The following SLC6A17 variants were observed in gnomAD, a reference collection of about 807,000 sequenced individuals.
SLC6A17 encodes sodium-dependent neutral amino acid transporter SLC6A17.
SLC6A17 carries 21 observed loss-of-function variants against 64.5 expected under a neutral mutation model. The ratio of observed to expected loss-of-function variants is 0.33; its 90% CI spans 0.23 to 0.47. The LOEUF (loss-of-function observed/expected upper bound fraction) is 0.47. Ranked by LOEUF, SLC6A17 falls within the 20% of genes least tolerant of loss-of-function variation. The pLI, the probability that SLC6A17 is intolerant of heterozygous loss-of-function variation, is 1.00. For missense variants in SLC6A17, 682 were observed against 963.2 expected (o/e 0.71, Z 3.86); for synonymous variants, 372 against 399.5 (o/e 0.93, Z 0.82).
intron 6 of SLC6A17, among the ~76,000 whole-genome samples, chr1:110,187,736 C>G (rs1656722972): frequency 6.6e-6 from 1 of 152,212 alleles, no homozygotes; most frequent in Admixed American, 6.5e-5. Flanking sequence ...TTTGCGAATA[C>G]CAGAGGAGGC....
intron 1 of SLC6A17, among the ~76,000 whole-genome samples, 180 bp downstream of exon 1, chr1:110,151,063 G>A (rs1655586139): frequency 6.6e-6 from 1 of 152,218 alleles, no homozygotes; most frequent in Non-Finnish European, 1.5e-5. Context: ...GCCGTTGCCT[G>A]GCGACGGAGC....
At position 110,180,158 on chromosome 1, in the gene SLC6A17, G is replaced by A. The variant is rs889360796; in HGVS notation, c.864+3419G>A. On this transcript the variant is annotated intron_variant, in intron 6 of 11. Coordinates refer to ENST00000331565, the MANE Select transcript of SLC6A17 (RefSeq NM_001010898.4). ...AGCTACACAGCTGGCAAGAAGCAGA[G>A]GCAAACCTGAACTCATGTCCACAGA... 2.0e-5 allele frequency among the ~76,000 whole-genome samples: 3 copies of A among 152,216 alleles called. No homozygotes were observed. The East Asian group carries it at 5.8e-4, about 29-fold the overall frequency.
intron 6 of SLC6A17, among the ~76,000 whole-genome samples, chr1:110,181,706 A>G (rs1241634842): frequency 3.3e-5 from 5 of 152,254 alleles, no homozygotes; most frequent in Non-Finnish European, 5.9e-5. Flanking sequence ...GAAGTGACGT[A>G]TGAATGAAGA....
In SLC6A17 at chr1:110,192,290, G is replaced by C; in HGVS notation, c.1106+77G>C. The stretch of plus-strand genomic sequence containing the variant: ...GGAGTGGGCAGGGGTGGGGGCGCAG[G>C]TGTGCATGGGGAGAGAGGTCCCCTC... On this transcript the variant is annotated intron_variant, in intron 7 of 11. Coordinates refer to ENST00000331565, the MANE Select transcript of SLC6A17 (RefSeq NM_001010898.4). This position sits in a 1 kb window ranked among gnomAD's most constrained non-coding sequence, Gnocchi z 4.3. 1.3e-6 allele frequency: 2 copies of C among 1,554,910 alleles called. No individual in the cohort carries two copies. Among genetic ancestry groups the C allele is most frequent in the Non-Finnish European group, 1.7e-6 (2 of 1,146,772 alleles).
At chr1:110,153,893 A>T (rs182949877) in intron 1 of SLC6A17, among the ~76,000 whole-genome samples, 3,179 of 152,068 alleles carry the variant, frequency 0.021, 117 homozygotes, top group South Asian at 0.13. Context: ...ATGGGGGAAA[A>T]AAAACCTGTC....
intron 6 of SLC6A17, among the ~76,000 whole-genome samples, chr1:110,179,487 G>C (rs1656458687): frequency 6.6e-6 from 1 of 151,076 alleles, no homozygotes; most frequent in Non-Finnish European, 1.5e-5. Context: ...TTGAGCAGTA[G>C]GGGGTGCTTC....
At chr1:110,165,271 GC>G (rs770912790) in intron 1 of SLC6A17, among the ~76,000 whole-genome samples, 3 of 152,164 alleles carry the variant, frequency 2.0e-5, no homozygotes, top group Non-Finnish European at 2.9e-5. Flanking sequence ...CTGGGGGGAG[GC>G]CCAGGGCTGA....
chr1:110,183,093 C>G lies in SLC6A17; in HGVS notation c.864+6354C>G, dbSNP rs147921033. Among the ~76,000 whole-genome samples the G allele has an allele frequency of 9.9e-5, 15 of 152,284 alleles. No homozygotes were observed. The East Asian group carries it at 2.5e-3, about 25-fold the overall frequency. Reference sequence around the variant, plus strand: ...TCCTCAAAAGGTTAAACAGAGTTAGCATATGACCCAGCCATTCCACTCCTA... The same window carrying G: ...TCCTCAAAAGGTTAAACAGAGTTAGGATATGACCCAGCCATTCCACTCCTA... On this transcript the variant is annotated intron_variant, in intron 6 of 11. Coordinates refer to ENST00000331565, the MANE Select transcript of SLC6A17 (RefSeq NM_001010898.4).
intron 11 of SLC6A17, 49 bp from the exon 12 acceptor site, chr1:110,198,027 G>A (rs759193784): frequency 2.6e-6 from 4 of 1,561,042 alleles, no homozygotes; most frequent in South Asian, 2.4e-5. Flanking sequence ...CCTGGGCGGG[G>A]AGGGCTGTCA....
chr1:110,175,422 G>A (rs1656349799), intron 5 of SLC6A17, among the ~76,000 whole-genome samples: 1 of 152,172 alleles, frequency 6.6e-6, no homozygotes, highest in East Asian at 1.9e-4. Context: ...GAGGCCTCAG[G>A]GGGCAGCTCC....
intron 1 of SLC6A17, among the ~76,000 whole-genome samples, chr1:110,156,310 T>C (rs1227707945): frequency 2.6e-5 from 4 of 152,186 alleles, no homozygotes; most frequent in African/African-American, 9.7e-5. Flanking sequence ...GAATGTATCA[T>C]TTTGCAAGGC....
chr1:110,196,571 TG>T (rs1656976136), intron 10 of SLC6A17, among the ~76,000 whole-genome samples: 1 of 152,232 alleles, frequency 6.6e-6, no homozygotes, highest in African/African-American at 2.4e-5. Flanking sequence ...TTTTGTGTCC[TG>T]GACTCCTTCG....
intron 1 of SLC6A17, among the ~76,000 whole-genome samples, chr1:110,162,395 G>A (rs1376040946): frequency 1.3e-5 from 2 of 152,196 alleles, no homozygotes; most frequent in Non-Finnish European, 2.9e-5. Context: ...AGCTGAAGGG[G>A]GTCTTGGAGG....
chr1:110,164,683 C>T (rs963824157), intron 1 of SLC6A17, among the ~76,000 whole-genome samples: 1 of 152,178 alleles, frequency 6.6e-6, no homozygotes, highest in Non-Finnish European at 1.5e-5. Flanking sequence ...AGCTGATGCC[C>T]TGTGGTTGCT....
At position 110,174,795 on chromosome 1, in the gene SLC6A17, T is replaced by G; in HGVS notation, c.588T>G (p.Cys196Trp). Residue 196 changes from cysteine to tryptophan, a missense_variant, in exon 5 of 12, where the codon TGT (cysteine) becomes TGG (tryptophan). Physicochemically the swap from Cys to Trp is radical, Grantham distance 215. Coordinates refer to ENST00000331565, the MANE Select transcript of SLC6A17 (RefSeq NM_001010898.4). ...NGSVAVVEAE[C>W]EKSSATTYFW... ...CTATTTCAGTGGTGGAGGCAGAGTGTGAAAAGAGCTCAGCCACTACCTACT... is the reference window on the plus strand; with the variant it reads ...CTATTTCAGTGGTGGAGGCAGAGTGGGAAAAGAGCTCAGCCACTACCTACT... The G allele has an allele frequency of 6.2e-7, 1 of 1,613,996 alleles. No individual in the cohort carries two copies. Among genetic ancestry groups the G allele is most frequent in the Non-Finnish European group, 8.5e-7 (1 of 1,179,952 alleles).
Position 110,198,647 on chromosome 1 carries a change from T to G in SLC6A17, c.*203T>G. On this transcript the variant is annotated 3_prime_UTR_variant, in exon 12 of 12. Coordinates refer to ENST00000331565, the MANE Select transcript of SLC6A17 (RefSeq NM_001010898.4). ...GCAGGAGGCTGGGAGCAGCTCTGTT[T>G]CCTAATTCAGGACCCCACTCATCTA... The G allele has an allele frequency of 1.1e-6, 1 of 888,734 alleles. No homozygotes were observed. Among genetic ancestry groups the G allele is most frequent in the Non-Finnish European group, 1.6e-6 (1 of 615,894 alleles). The allele number at this position is 888,734 out of a possible 1,614,324, so 55.1% of individuals were successfully genotyped here. A position where few individuals can be genotyped will look rare whatever the true frequency, so the allele number is the denominator to read the frequency against.
At chr1:110,165,140 C>T (rs936686203) in intron 1 of SLC6A17, among the ~76,000 whole-genome samples, 10 of 152,146 alleles carry the variant, frequency 6.6e-5, no homozygotes, top group Admixed American at 3.9e-4. Flanking sequence ...GCCCTGCAGA[C>T]GGGGACCTGC....
intron 2 of SLC6A17, among the ~76,000 whole-genome samples, chr1:110,171,438 G>A (rs1268625651): frequency 6.6e-6 from 1 of 152,164 alleles, no homozygotes; most frequent in Admixed American, 6.5e-5. Flanking sequence ...TATCCTTTAT[G>A]ATCCTCCTGG....
At chr1:110,189,450 C>T (rs894132048) in intron 6 of SLC6A17, among the ~76,000 whole-genome samples, 1 of 152,200 alleles carries the variant, frequency 6.6e-6, no homozygotes, top group Non-Finnish European at 1.5e-5. Context: ...TCCATTGGCA[C>T]CACCCAGCCC....
Sources: allele counts gnomAD v4.1 joint callset (sites outside exome capture counted in the v4.1 genomes callset), GRCh38; gene constraint gnomAD v4.1.1; non-coding constraint Gnocchi (gnomAD v3.1); transcripts MANE v1.5; gene names NCBI Gene and HGNC (gene_info 2026-07-23, HGNC 2026-07-21).